The following GRM8 variants were observed in gnomAD, a reference collection of about 807,000 sequenced individuals.
GRM8 encodes the protein metabotropic glutamate receptor 8.
GRM8 carries 47 observed loss-of-function variants against 87.2 expected under a neutral mutation model. The ratio of observed to expected loss-of-function variants is 0.54; its 90% CI spans 0.43 to 0.69. The LOEUF (loss-of-function observed/expected upper bound fraction) is 0.69. GRM8 is among the 30% of genes least tolerant of loss of function. The pLI is 0.00. For synonymous variants in GRM8, 396 were observed against 404.5 expected (o/e 0.98, Z 0.25); for missense variants, 1,019 against 1,139.2 (o/e 0.89, Z 1.52).
chr7:126,880,437 A>C (rs1799923109), intron 6 of GRM8, among the ~76,000 whole-genome samples: 1 of 152,172 alleles, frequency 6.6e-6, no homozygotes, highest in Non-Finnish European at 1.5e-5. Flanking sequence ...TTGTTAACTA[A>C]ATAGATTGAA....
intron 8 of GRM8, among the ~76,000 whole-genome samples, chr7:126,591,048 A>G (rs1345904107): frequency 6.6e-6 from 1 of 152,150 alleles, no homozygotes; most frequent in Non-Finnish European, 1.5e-5. Flanking sequence ...ATTGAATGTA[A>G]ATGACTTAAA....
At chr7:127,046,608 A>C (rs1299859215) in intron 3 of GRM8, among the ~76,000 whole-genome samples, 1 of 152,212 alleles carries the variant, frequency 6.6e-6, no homozygotes, top group Non-Finnish European at 1.5e-5. Flanking sequence ...GGCACATAGT[A>C]ATTAAATGCA....
chr7:126,442,722 T>G (rs993198891), intron 10 of GRM8, among the ~76,000 whole-genome samples: 7 of 152,036 alleles, frequency 4.6e-5, no homozygotes, highest in African/African-American at 1.7e-4. Flanking sequence ...GCTCTGTAGC[T>G]AATTAAAAAT....
chr7:127,249,206 A>T (rs559214655), intron 1 of GRM8, among the ~76,000 whole-genome samples: 1 of 152,062 alleles, frequency 6.6e-6, no homozygotes, highest in Admixed American at 6.5e-5. Context: ...AGATATTCCT[A>T]CTTCTGTTCA....
At chr7:126,914,990 T>C (rs56235591) in intron 3 of GRM8, among the ~76,000 whole-genome samples, 50,884 of 152,110 alleles carry the variant, frequency 0.33, 8,503 homozygotes, top group Middle Eastern at 0.35. Flanking sequence ...AGAGCCCCTC[T>C]CCTGCCTGTC....
At chr7:126,957,873 C>T (rs1808893558) in intron 3 of GRM8, among the ~76,000 whole-genome samples, 1 of 152,210 alleles carries the variant, frequency 6.6e-6, no homozygotes, top group African/African-American at 2.4e-5. Flanking sequence ...CAGGGCTGCC[C>T]ATTCCAGGTG....
At chr7:126,509,361 G>A (rs1810984593) in intron 9 of GRM8, among the ~76,000 whole-genome samples, 1 of 151,962 alleles carries the variant, frequency 6.6e-6, no homozygotes, top group Non-Finnish European at 1.5e-5. Context: ...CATTATTTTT[G>A]AGATTCAGAA....
At chr7:126,890,387 G>T (rs979060650) in intron 6 of GRM8, among the ~76,000 whole-genome samples, 1 of 152,038 alleles carries the variant, frequency 6.6e-6, no homozygotes, top group Non-Finnish European at 1.5e-5. Context: ...TAGGTTGCTA[G>T]CTAAAAATGG....
intron 3 of GRM8, among the ~76,000 whole-genome samples, chr7:127,098,918 A>T (rs1279361562): frequency 1.3e-5 from 2 of 152,228 alleles, no homozygotes; most frequent in Non-Finnish European, 2.9e-5. Context: ...GTGTGCTGCC[A>T]TACTGTGCAA....
intron 7 of GRM8, among the ~76,000 whole-genome samples, chr7:126,632,904 G>A (rs1006444572): frequency 3.3e-5 from 5 of 152,034 alleles, no homozygotes; most frequent in African/African-American, 4.8e-5. Context: ...GGAGGAGCGA[G>A]AGCATGATAT....
At chr7:127,038,850 A>G (rs1235780114) in intron 3 of GRM8, among the ~76,000 whole-genome samples, 1 of 152,224 alleles carries the variant, frequency 6.6e-6, no homozygotes, top group Non-Finnish European at 1.5e-5. Flanking sequence ...AAATAATGAC[A>G]GTGGATAGTG....
chr7:126,453,719 G>C (rs1035862607), intron 9 of GRM8, among the ~76,000 whole-genome samples: 1 of 151,794 alleles, frequency 6.6e-6, no homozygotes, highest in Non-Finnish European at 1.5e-5. Context: ...ATTAAAGCCT[G>C]ATGGAAAATT....
intron 6 of GRM8, among the ~76,000 whole-genome samples, chr7:126,812,619 A>G (rs966687802): frequency 6.6e-6 from 1 of 151,966 alleles, no homozygotes; most frequent in East Asian, 1.9e-4. Flanking sequence ...TTTATATAGG[A>G]AAGTTGAGTG....
intron 6 of GRM8, among the ~76,000 whole-genome samples, chr7:126,828,114 CA>C (rs1267575452): frequency 6.6e-6 from 1 of 152,004 alleles, no homozygotes; most frequent in Admixed American, 6.5e-5. Flanking sequence ...TTCGTTTTGC[CA>C]GTATTTTATT....
Position 126,677,771 on chromosome 7 carries a change from A to G in GRM8, c.1358-68273T>C, listed in dbSNP as rs1807138374. ...AACATATACTATTTGGATGACAGGTATCCTAAAAGCCAACTTCACCACTAT... is the reference window on the plus strand; with the variant it reads ...AACATATACTATTTGGATGACAGGTGTCCTAAAAGCCAACTTCACCACTAT... On this transcript the variant is annotated intron_variant, in intron 7 of 10. Coordinates refer to ENST00000339582, the MANE Select transcript of GRM8 (RefSeq NM_000845.3). 2.0e-5 allele frequency among the ~76,000 whole-genome samples: 3 copies of G among 152,236 alleles called. No individual in the cohort carries two copies. In the South Asian group the frequency reaches 6.2e-4, roughly 32 times the overall value.
At chr7:126,498,799 T>C (rs935931705) in intron 9 of GRM8, among the ~76,000 whole-genome samples, 1 of 151,972 alleles carries the variant, frequency 6.6e-6, no homozygotes, top group African/African-American at 2.4e-5. Context: ...ATGTGTCAAA[T>C]TAGGACTTTC....
At chr7:126,653,443 T>C (rs533080002) in intron 7 of GRM8, among the ~76,000 whole-genome samples, 2 of 152,202 alleles carry the variant, frequency 1.3e-5, no homozygotes, top group African/African-American at 2.4e-5. Context: ...TAAAACCCTT[T>C]CCTTTTTGCA....
chr7:126,888,211 A>T (rs1047991178), intron 6 of GRM8, among the ~76,000 whole-genome samples: 7 of 152,088 alleles, frequency 4.6e-5, no homozygotes, highest in African/African-American at 1.4e-4. Context: ...CTGTGCCCTC[A>T]GCCTGCCAGT....
intron 2 of GRM8, among the ~76,000 whole-genome samples, chr7:127,241,630 T>A (rs928321265): frequency 6.6e-6 from 1 of 151,848 alleles, no homozygotes; most frequent in Non-Finnish European, 1.5e-5. Context: ...AGAGACGGGG[T>A]TTCACCGTGT....
Sources: allele counts gnomAD v4.1 joint callset (sites outside exome capture counted in the v4.1 genomes callset), GRCh38; gene constraint gnomAD v4.1.1; transcripts MANE v1.5; gene names NCBI Gene and HGNC (gene_info 2026-07-23, HGNC 2026-07-21).